RIMBP2: variants seen among roughly 807,000 people sequenced by gnomAD.
RIMBP2 encodes the protein RIMS-binding protein 2.
A neutral mutation model predicts 118.6 loss-of-function variants in RIMBP2; 48 were observed. That is an observed-to-expected ratio of 0.40 (90% confidence interval 0.32 to 0.51). RIMBP2 has a LOEUF of 0.51. Ranked by LOEUF, RIMBP2 falls within the 20% of genes least tolerant of loss-of-function variation. The pLI, the probability that RIMBP2 is intolerant of heterozygous loss-of-function variation, is 0.41. For missense variants in RIMBP2, 1,551 were observed against 1,768.3 expected (o/e 0.88, Z 2.20); for synonymous variants, 762 against 742.9 (o/e 1.03, Z -0.42).
At chr12:130,668,376 T>G (rs1010937589) in intron 1 of RIMBP2, 2 of 152,204 alleles carry the variant, frequency 1.3e-5, no homozygotes, top group Non-Finnish European at 2.9e-5. Context: ...CTGAGAGATA[T>G]GGACCTGGGA....
chr12:130,526,345 G>A (rs2052783876), intron 2 of RIMBP2, among the ~76,000 whole-genome samples: 1 of 152,134 alleles, frequency 6.6e-6, no homozygotes, highest in African/African-American at 2.4e-5. Context: ...ACAATGAAAG[G>A]TAACTCCAAT....
chr12:130,493,759 T>C (rs919626559), intron 4 of RIMBP2, among the ~76,000 whole-genome samples: 4 of 152,246 alleles, frequency 2.6e-5, no homozygotes, highest in Non-Finnish European at 5.9e-5. Flanking sequence ...AGTGGAATTC[T>C]TACATGCTCC....
At chr12:130,592,160 G>A (rs568674973) in intron 2 of RIMBP2, among the ~76,000 whole-genome samples, 1 of 152,294 alleles carries the variant, frequency 6.6e-6, no homozygotes, top group South Asian at 2.1e-4. Flanking sequence ...CCATATGCTG[G>A]TTATGCTGGT....
chr12:130,427,616 G>A (rs931763653), intron 15 of RIMBP2: 1 of 152,374 alleles, frequency 6.6e-6, no homozygotes, highest in African/African-American at 2.4e-5. Flanking sequence ...GAAGGGAGAG[G>A]GTCTAGCGGG....
At chr12:130,676,547 C>T (rs371616999) in intron 1 of RIMBP2, among the ~76,000 whole-genome samples, 180 of 151,430 alleles carry the variant, frequency 1.2e-3, no homozygotes, top group African/African-American at 4.1e-3. Context: ...CGCTTGAACC[C>T]GGGAGGTGGA....
At chr12:130,580,397 T>C (rs2058388888) in intron 2 of RIMBP2, among the ~76,000 whole-genome samples, 1 of 152,188 alleles carries the variant, frequency 6.6e-6, no homozygotes, top group East Asian at 1.9e-4. Context: ...GAAAGGGCAG[T>C]TCCCCTGCAC....
chr12:130,619,513 A>C (rs2061167699), intron 2 of RIMBP2, among the ~76,000 whole-genome samples: 1 of 152,224 alleles, frequency 6.6e-6, no homozygotes, highest in Non-Finnish European at 1.5e-5. Context: ...TGAGTCACCC[A>C]TGCTAAACCA....
chr12:130,427,044 T>C (rs2076838326), intron 15 of RIMBP2: 2 of 152,182 alleles, frequency 1.3e-5, no homozygotes, highest in South Asian at 4.1e-4. Flanking sequence ...CCATGCAGGG[T>C]TTGCATAGGG....
chr12:130,685,777 C>T (rs1312323488), intron 1 of RIMBP2, among the ~76,000 whole-genome samples: 1 of 152,216 alleles, frequency 6.6e-6, no homozygotes, highest in African/African-American at 2.4e-5. Context: ...ATGCCCTGCT[C>T]TGTTTACCTA....
intron 4 of RIMBP2, among the ~76,000 whole-genome samples, chr12:130,486,426 T>G (rs2082483548): frequency 6.6e-6 from 1 of 152,102 alleles, no homozygotes; most frequent in South Asian, 2.1e-4. Context: ...GAGGTTTTAA[T>G]TGCCACATAA....
At chr12:130,504,685 T>A (rs1015770662) in intron 4 of RIMBP2, among the ~76,000 whole-genome samples, 8 of 149,090 alleles carry the variant, frequency 5.4e-5, no homozygotes, top group Non-Finnish European at 9.0e-5. Flanking sequence ...TACGTCGCTT[T>A]AAGCCACCGA....
intron 2 of RIMBP2, among the ~76,000 whole-genome samples, chr12:130,577,639 T>C (rs1326337740): frequency 6.6e-6 from 1 of 152,160 alleles, no homozygotes; most frequent in Non-Finnish European, 1.5e-5. Context: ...CTCGTGGGGA[T>C]TACAATTCAA....
At chr12:130,438,335 A>ACCCCACCCCCCCCC in intron 12 of RIMBP2, 30 bp downstream of exon 12, 2 of 865,008 alleles carry the variant, frequency 2.3e-6, no homozygotes, top group Non-Finnish European at 3.8e-6. Flanking sequence ...GGCCTAACAA[A>ACCCCACCCCCCCCC]CCCTCCCCAC....
chr12:130,462,558 C>T (rs888324391), intron 6 of RIMBP2, among the ~76,000 whole-genome samples: 4 of 152,226 alleles, frequency 2.6e-5, no homozygotes, highest in South Asian at 2.1e-4. Flanking sequence ...CACCTTTGAA[C>T]GAGCAGGGTG....
At chr12:130,549,831 G>A (rs560675020) in intron 2 of RIMBP2, among the ~76,000 whole-genome samples, 2 of 152,254 alleles carry the variant, frequency 1.3e-5, no homozygotes, top group South Asian at 4.2e-4. Context: ...ATGCGCATGT[G>A]TCTTTTTGGT....
intron 2 of RIMBP2, among the ~76,000 whole-genome samples, chr12:130,591,957 G>A (rs944818436): frequency 3.9e-5 from 6 of 152,144 alleles, no homozygotes; most frequent in South Asian, 2.1e-4. Context: ...TGCCCCAGCC[G>A]AGCCACGTCC....
rs558790828 is a variant in RIMBP2, at chr12:130,578,649, C to G, written c.-217+49673G>C. On this transcript the variant is annotated intron_variant, in intron 2 of 22. Coordinates refer to ENST00000690449, the MANE Select transcript of RIMBP2 (RefSeq NM_001393629.1). This position sits in a 1 kb window ranked among gnomAD's most constrained non-coding sequence, Gnocchi z 4.1. The stretch of plus-strand genomic sequence containing the variant: ...TCACGTTAGCTCATTCCTTGACATT[C>G]AGCTCTCAGCGCAAATGCCCCCTTC... Among the ~76,000 whole-genome samples the G allele has an allele frequency of 2.1e-4, 32 of 152,332 alleles. No individual in the cohort carries two copies. Among genetic ancestry groups the G allele is most frequent in the African/African-American group, 7.7e-4 (32 of 41,584 alleles).
intron 1 of RIMBP2, among the ~76,000 whole-genome samples, chr12:130,632,680 A>G (rs2062074885): frequency 6.6e-6 from 1 of 152,210 alleles, no homozygotes; most frequent in Non-Finnish European, 1.5e-5. Context: ...ATGATAGGGC[A>G]TAAAAAACTA....
intron 18 of RIMBP2, among the ~76,000 whole-genome samples, 186 bp downstream of exon 18, chr12:130,413,939 G>A (rs888642150): frequency 6.6e-6 from 1 of 152,210 alleles, no homozygotes; most frequent in Non-Finnish European, 1.5e-5. Context: ...GCAGATGCTG[G>A]AGAAGGCACT....
Sources: allele counts gnomAD v4.1 joint callset (sites outside exome capture counted in the v4.1 genomes callset), GRCh38; gene constraint gnomAD v4.1.1; non-coding constraint Gnocchi (gnomAD v3.1); transcripts MANE v1.5; gene names NCBI Gene and HGNC (gene_info 2026-07-23, HGNC 2026-07-21).